Variants in CRYL1 observed in about 807,000 individuals in gnomAD.
CRYL1 encodes lambda-crystallin homolog.
In CRYL1, 29 loss-of-function variants were observed where a neutral mutation model predicts 36.6. The ratio of observed to expected loss-of-function variants is 0.79; its 90% confidence interval spans 0.59 to 1.08. CRYL1 has a LOEUF of 1.08. Among genes scored for constraint, CRYL1 ranks in the 50% least tolerant of loss-of-function variants. The pLI, the probability that CRYL1 is intolerant of heterozygous loss-of-function variation, is 0.00. For synonymous variants in CRYL1, 152 were observed against 151.5 expected (o/e 1.00, Z -0.02); for missense variants, 411 against 407.9 (o/e 1.01, Z -0.06).
chr13:20,414,216 C>T (rs2031598289), intron 5 of CRYL1, among the ~76,000 whole-genome samples: 1 of 151,300 alleles, frequency 6.6e-6, no homozygotes, highest in African/African-American at 2.4e-5. Context: ...TACACACACA[C>T]ACACACACAC....
intron 2 of CRYL1, among the ~76,000 whole-genome samples, chr13:20,493,917 CA>C (rs2033560557): frequency 1.3e-5 from 2 of 152,208 alleles, no homozygotes; most frequent in African/African-American, 4.8e-5. Context: ...GACAAAGATG[CA>C]GCCGCAGAGA....
At chr13:20,472,695 T>G (rs1348196252) in intron 3 of CRYL1, among the ~76,000 whole-genome samples, 4 of 152,226 alleles carry the variant, frequency 2.6e-5, no homozygotes, top group South Asian at 4.1e-4. Flanking sequence ...CTCTGAGGCC[T>G]GGGACTGGCT....
chr13:20,485,090 T>C (rs893037887), intron 3 of CRYL1, among the ~76,000 whole-genome samples: 3 of 152,148 alleles, frequency 2.0e-5, no homozygotes, highest in Non-Finnish European at 4.4e-5. Context: ...CCATCTCGGC[T>C]CACTGCAACC....
chr13:20,521,779 T>G (rs1302453318), intron 1 of CRYL1, among the ~76,000 whole-genome samples: 1 of 152,230 alleles, frequency 6.6e-6, no homozygotes, highest in Non-Finnish European at 1.5e-5. Flanking sequence ...TAAATTCACT[T>G]TAGATACATT....
At position 20,440,338 on chromosome 13, in the gene CRYL1, T is replaced by C. The variant is rs565919444; in HGVS notation, c.277-584A>G. Among the ~76,000 whole-genome samples the C allele has an allele frequency of 1.9e-4, 29 of 152,348 alleles. No homozygotes were observed. In the South Asian group the frequency reaches 6.0e-3, roughly 32 times the overall value. On this transcript the variant is annotated intron_variant, in intron 3 of 7. Coordinates refer to ENST00000298248, the MANE Select transcript of CRYL1 (RefSeq NM_015974.3). ...GTTATAGGGCCCTCAGCCATGAAAC[T>C]TTCCGTAGGTGAAGAAAAGATTTTA...
chr13:20,486,080 G>A (rs781368367), intron 3 of CRYL1, among the ~76,000 whole-genome samples: 3 of 133,360 alleles, frequency 2.2e-5, no homozygotes, highest in African/African-American at 9.5e-5. Context: ...CACCACACCC[G>A]GCTAAGTTTT....
At chr13:20,463,309 T>TC (rs1368077150) in intron 3 of CRYL1, among the ~76,000 whole-genome samples, 1 of 152,210 alleles carries the variant, frequency 6.6e-6, no homozygotes, top group Non-Finnish European at 1.5e-5. Context: ...TTGAGTTTTT[T>TC]CCCAGTGTCT....
In CRYL1 at chr13:20,508,855, AAAAAAAAAAAAAAAAAAAAAC is replaced by A. The variant is rs1340278809; in HGVS notation, c.149+3567_149+3587del. 6.0e-3 allele frequency among the ~76,000 whole-genome samples: 131 copies of A among 21,792 alleles called. 2 individuals carry two copies. The highest frequency in any genetic ancestry group is 7.6e-3 in the African/African-American group (112 of 14,682). 14.3% of individuals were successfully genotyped at this position (21,792 alleles called of 152,430 possible). ...GGTGGCAGAGCGAGACTCCAAAAAA[AAAAAAAAAAAAAAAAAAAAAC>A]AAAAAAAAAAAACTGACAACAACAA... On this transcript the variant is annotated intron_variant, in intron 2 of 7. Coordinates refer to ENST00000298248, the MANE Select transcript of CRYL1 (RefSeq NM_015974.3).
chr13:20,410,668 A>G (rs1028756341), intron 6 of CRYL1, among the ~76,000 whole-genome samples: 1 of 152,232 alleles, frequency 6.6e-6, no homozygotes, highest in African/African-American at 2.4e-5. Flanking sequence ...AGTACGTGAA[A>G]GAAACAAGAC....
chr13:20,460,462 T>C (rs922255674), intron 3 of CRYL1, among the ~76,000 whole-genome samples: 3 of 151,188 alleles, frequency 2.0e-5, no homozygotes, highest in African/African-American at 4.9e-5. Flanking sequence ...CACTGGGTGT[T>C]GGCTCTTTAA....
At chr13:20,499,493 GAA>G (rs34288083) in intron 2 of CRYL1, among the ~76,000 whole-genome samples, 27 of 150,264 alleles carry the variant, frequency 1.8e-4, no homozygotes, top group Non-Finnish European at 3.5e-4. Flanking sequence ...CTAAAAAAAT[GAA>G]AAAAAAAATT....
At chr13:20,432,408 A>AG in intron 4 of CRYL1, 112 bp from the exon 5 acceptor site, 1 of 659,526 alleles carries the variant, frequency 1.5e-6, no homozygotes, top group Non-Finnish European at 2.5e-6. Context: ...TGGTGCCTTT[A>AG]GATTCAGTGG....
chr13:20,509,348 G>A (rs1376997303), intron 2 of CRYL1, among the ~76,000 whole-genome samples: 1 of 150,836 alleles, frequency 6.6e-6, no homozygotes, highest in Non-Finnish European at 1.5e-5. Context: ...TTTTACTGAG[G>A]CTTAAAATTT....
At chr13:20,460,204 G>T (rs1477597376) in intron 3 of CRYL1, among the ~76,000 whole-genome samples, 1 of 151,256 alleles carries the variant, frequency 6.6e-6, no homozygotes, top group Non-Finnish European at 1.5e-5. Context: ...TTTTTGTTAT[G>T]ACCAACAATA....
rs1248427056 is a variant in CRYL1, at chr13:20,436,031, G to C, written c.438+3562C>G. Among the ~76,000 whole-genome samples the C allele has an allele frequency of 2.0e-5, 3 of 152,232 alleles. No individual in the cohort carries two copies. The East Asian group carries it at 5.8e-4, about 29-fold the overall frequency. ...ACGCACAGAGCACGGGCGCTTTGCA[G>C]ACAGCAAGCCCATACATCCAATATT... On this transcript the variant is annotated intron_variant, in intron 4 of 7. Coordinates refer to ENST00000298248, the MANE Select transcript of CRYL1 (RefSeq NM_015974.3).
chr13:20,470,919 A>C (rs544891089), intron 3 of CRYL1, among the ~76,000 whole-genome samples: 5,906 of 149,514 alleles, frequency 0.04, 509 homozygotes, highest in African/African-American at 0.14. Context: ...TCAAAAAAAA[A>C]AAAAAAACAA....
chr13:20,430,510 A>T, intron 5 of CRYL1: 1 of 985,434 alleles, frequency 1.0e-6, no homozygotes. Context: ...CAGGGTGGAC[A>T]TCGTGAGTCA....
rs372561108 is a variant in CRYL1, at chr13:20,507,685, A to G, written c.149+4758T>C. Among the ~76,000 whole-genome samples, 803 of 151,854 alleles carry G rather than the reference A, an allele frequency of 5.3e-3. 1 individual carries two copies. Among genetic ancestry groups the G allele is most frequent in the Middle Eastern group, 0.024 (7 of 292 alleles). ...TGTAATCCCAGCACTTTGGGAGGCC[A>G]AGGCAGGCGGATCACAAGGTCAGGA... On this transcript the variant is annotated intron_variant, in intron 2 of 7. Transcript: ENST00000298248.
chr13:20,451,865 A>C (rs2032577819), intron 3 of CRYL1, among the ~76,000 whole-genome samples: 1 of 152,224 alleles, frequency 6.6e-6, no homozygotes, highest in Non-Finnish European at 1.5e-5. Context: ...AATTGCAAAG[A>C]CATGGAATCA....
Sources: gnomAD v4.1 joint callset for allele counts (sites outside exome capture counted in the v4.1 genomes callset) on GRCh38, gnomAD v4.1.1 for gene constraint, MANE v1.5 for transcripts, NCBI Gene and HGNC (gene_info 2026-07-23, HGNC 2026-07-21) for gene names.